DIAPH3: variants seen among roughly 807,000 people sequenced by gnomAD.
The protein encoded by DIAPH3 is protein diaphanous homolog 3.
DIAPH3 carries 117 observed loss-of-function variants against 144.3 expected under a neutral mutation model. The ratio of observed to expected loss-of-function variants is 0.81; its 90% CI spans 0.70 to 0.95. The LOEUF (loss-of-function observed/expected upper bound fraction) is 0.95, where lower values mean the gene tolerates loss of function less well. DIAPH3 is among the 40% of genes least tolerant of loss of function. DIAPH3 has a pLI of 0.00. For synonymous variants in DIAPH3, 519 were observed against 488.9 expected (o/e 1.06, Z -0.81); for missense variants, 1,421 against 1,412.7 (o/e 1.01, Z -0.09).
intron 27 of DIAPH3, among the ~76,000 whole-genome samples, chr13:59,724,426 A>G (rs1484699743): frequency 6.6e-6 from 1 of 152,142 alleles, no homozygotes; most frequent in Non-Finnish European, 1.5e-5. Flanking sequence ...CCTTATAAAT[A>G]ATGGGGAATA....
chr13:59,706,001 C>T (rs1344908384), intron 27 of DIAPH3, among the ~76,000 whole-genome samples: 1 of 151,434 alleles, frequency 6.6e-6, no homozygotes, highest in African/African-American at 2.4e-5. Context: ...TTCTCAGTAC[C>T]CATGGGGGAT....
chr13:59,723,739 T>C (rs575701655), intron 27 of DIAPH3, among the ~76,000 whole-genome samples: 3 of 152,090 alleles, frequency 2.0e-5, no homozygotes, highest in South Asian at 4.2e-4. Context: ...GCCTCCCAAG[T>C]AGCTGGGACT....
intron 1 of DIAPH3, among the ~76,000 whole-genome samples, chr13:60,146,517 A>G (rs1192975799): frequency 6.6e-6 from 1 of 152,248 alleles, no homozygotes; most frequent in Non-Finnish European, 1.5e-5. Flanking sequence ...GAGAAATTCT[A>G]GAATGGGATT....
At chr13:59,961,352 A>T (rs568502714) in intron 17 of DIAPH3, among the ~76,000 whole-genome samples, 74 of 152,332 alleles carry the variant, frequency 4.9e-4, no homozygotes, top group Middle Eastern at 3.4e-3. Flanking sequence ...CATTTTATAG[A>T]GGAAAGAAAC....
rs560656933 is a variant in DIAPH3, at chr13:59,950,737, T to C, written c.2074+19207A>G. On this transcript the variant is annotated intron_variant, in intron 17 of 27. Coordinates refer to ENST00000400324, the MANE Select transcript of DIAPH3 (RefSeq NM_001042517.2). The stretch of plus-strand genomic sequence containing the variant: ...AAATCAACAGGTTTTTAAATATACT[T>C]AATAGCTGTGATATAATGACTAAAT... Among the ~76,000 whole-genome samples the C allele has an allele frequency of 3.7e-3, 561 of 152,202 alleles. 3 individuals carry two copies. The highest frequency in any genetic ancestry group is 6.0e-3 in the Non-Finnish European group (407 of 68,002).
intron 25 of DIAPH3, among the ~76,000 whole-genome samples, chr13:59,786,405 AG>A (rs2039031446): frequency 6.6e-6 from 1 of 152,188 alleles, no homozygotes; most frequent in Admixed American, 6.5e-5. Flanking sequence ...ATACACAACC[AG>A]GAAAAATGGT....
chr13:60,120,570 A>G lies in DIAPH3; in HGVS notation c.214-8384T>C, dbSNP rs1383257330. ...TATTTTGTCCACATTTAGGTTTCACATAGTATTTTAATATTATTAAATGAA... is the reference window on the plus strand; with the variant it reads ...TATTTTGTCCACATTTAGGTTTCACGTAGTATTTTAATATTATTAAATGAA... On this transcript the variant is annotated intron_variant, in intron 2 of 27. Coordinates refer to ENST00000400324, the MANE Select transcript of DIAPH3 (RefSeq NM_001042517.2). 2.6e-5 allele frequency among the ~76,000 whole-genome samples: 4 copies of G among 152,364 alleles called. No homozygotes were observed. In the East Asian group the frequency reaches 7.7e-4, roughly 29 times the overall value.
chr13:59,738,655 C>A (rs1312530370), intron 27 of DIAPH3, among the ~76,000 whole-genome samples: 1 of 152,058 alleles, frequency 6.6e-6, no homozygotes, highest in Non-Finnish European at 1.5e-5. Context: ...AACCTATAAT[C>A]CCACTAATCC....
At chr13:59,861,602 T>G in intron 21 of DIAPH3, 66 bp from the exon 22 acceptor site, 1 of 1,494,960 alleles carries the variant, frequency 6.7e-7, no homozygotes, top group Non-Finnish European at 9.3e-7. Flanking sequence ...TCTACTTAAA[T>G]AATATTAATA....
At chr13:59,969,852 CATAAA>C (rs2050254992) in intron 17 of DIAPH3, 87 bp downstream of exon 17, 1 of 786,488 alleles carries the variant, frequency 1.3e-6, no homozygotes, top group African/African-American at 1.7e-5. Context: ...GTACAGGATT[CATAAA>C]ATAATGTTTT....
intron 27 of DIAPH3, among the ~76,000 whole-genome samples, chr13:59,669,911 G>A (rs1467023165): frequency 2.6e-5 from 4 of 152,104 alleles, no homozygotes; most frequent in Non-Finnish European, 5.9e-5. Flanking sequence ...TCTTGTCAAG[G>A]TCGCTAATGA....
At chr13:59,925,201 T>C (rs2047695591) in intron 17 of DIAPH3, among the ~76,000 whole-genome samples, 1 of 152,142 alleles carries the variant, frequency 6.6e-6, no homozygotes, top group African/African-American at 2.4e-5. Flanking sequence ...AGGATACAGT[T>C]ATAAAAATTA....
chr13:59,782,980 G>A (rs2038823029), intron 25 of DIAPH3, among the ~76,000 whole-genome samples: 2 of 152,064 alleles, frequency 1.3e-5, no homozygotes, highest in Admixed American at 6.5e-5. Flanking sequence ...ACTCACCAAG[G>A]GCTGAATATA....
At chr13:59,701,441 C>T (rs1161400892) in intron 27 of DIAPH3, among the ~76,000 whole-genome samples, 2 of 152,166 alleles carry the variant, frequency 1.3e-5, no homozygotes, top group Admixed American at 1.3e-4. Flanking sequence ...GCTTGCTTAT[C>T]TAGCTCCTTC....
chr13:59,876,208 A>G (rs1380508647), intron 21 of DIAPH3, among the ~76,000 whole-genome samples: 1 of 152,194 alleles, frequency 6.6e-6, no homozygotes, highest in Non-Finnish European at 1.5e-5. Flanking sequence ...TTCAATCACA[A>G]TTGTCAAAGA....
Position 59,992,503 on chromosome 13 carries a change from A to G in DIAPH3, c.1095T>C (p.Phe365=). The change falls in exon 10 of 28, where the codon TTT becomes TTC. Residue 365 remains phenylalanine, a synonymous_variant. Coordinates refer to ENST00000400324, the MANE Select transcript of DIAPH3 (RefSeq NM_001042517.2). ...LDFRLHIRNE[F]MRCGLKEILP... ...ATATCTCTTTCAATCCACAACGCAT[A>G]AATTCATTTCTGATGTGAAGCCTGA... 1 of 1,612,142 alleles carries G rather than the reference A, an allele frequency of 6.2e-7. No homozygotes were observed. The highest frequency in any genetic ancestry group is 8.5e-7 in the Non-Finnish European group (1 of 1,179,074).
intron 22 of DIAPH3, among the ~76,000 whole-genome samples, chr13:59,856,286 T>C (rs1345583593): frequency 1.3e-5 from 2 of 152,198 alleles, no homozygotes; most frequent in Non-Finnish European, 2.9e-5. Context: ...CTGTATTCTA[T>C]AGCCAAAGAC....
intron 1 of DIAPH3, among the ~76,000 whole-genome samples, chr13:60,157,684 G>A: frequency 6.6e-6 from 1 of 152,172 alleles, no homozygotes; most frequent in East Asian, 1.9e-4. Context: ...TGAACATTGT[G>A]AATGTATGGT....
At chr13:60,043,537 T>C (rs1419012263) in intron 4 of DIAPH3, among the ~76,000 whole-genome samples, 2 of 152,086 alleles carry the variant, frequency 1.3e-5, no homozygotes, top group Admixed American at 6.6e-5. Flanking sequence ...CAAAAACATA[T>C]GCAACTGAAG....
Sources: gnomAD v4.1 joint callset for allele counts (sites outside exome capture counted in the v4.1 genomes callset) on GRCh38, gnomAD v4.1.1 for gene constraint, MANE v1.5 for transcripts, NCBI Gene and HGNC (gene_info 2026-07-23, HGNC 2026-07-21) for gene names.